The following LINGO2 variants were observed in gnomAD, a reference collection of about 807,000 sequenced individuals.
LINGO2 encodes the protein leucine-rich repeat and immunoglobulin-like domain-containing nogo receptor-interacting protein 2.
A neutral mutation model predicts 30.6 loss-of-function variants in LINGO2; 14 were observed. The ratio of observed to expected loss-of-function variants is 0.46; its 90% confidence interval spans 0.30 to 0.72. The LOEUF (loss-of-function observed/expected upper bound fraction) is 0.72. Ranked by LOEUF, LINGO2 falls within the 30% of genes least tolerant of loss-of-function variation. The probability of loss-of-function intolerance (pLI) is 0.07; values close to 1 mark genes in which losing one functional copy is unlikely to be tolerated. For synonymous variants in LINGO2, 317 were observed against 288.5 expected (o/e 1.10, Z -1.00); for missense variants, 729 against 751.7 (o/e 0.97, Z 0.35).
At chr9:28,903,332 C>T in the LINGO2 span, among the ~76,000 whole-genome samples, 151,070 of 152,256 alleles carry the variant, frequency 0.99, 74,960 homozygotes, top group Middle Eastern at 1. Flanking sequence ...CATGAAGAAA[C>T]AGAAAATATG....
At chr9:28,180,559 A>C (rs1053618839) in intron 4 of LINGO2, among the ~76,000 whole-genome samples, 1 of 152,106 alleles carries the variant, frequency 6.6e-6, no homozygotes, top group African/African-American at 2.4e-5. Flanking sequence ...CTCAGTCCTC[A>C]TGTTTTCTAT....
At chr9:28,561,059 C>T (rs1382562401) in intron 1 of LINGO2, among the ~76,000 whole-genome samples, 1 of 151,946 alleles carries the variant, frequency 6.6e-6, no homozygotes, top group Non-Finnish European at 1.5e-5. Flanking sequence ...ACAAAATTGC[C>T]AGCTCTTCTG....
intron 1 of LINGO2, among the ~76,000 whole-genome samples, chr9:28,563,409 T>G (rs1394612783): frequency 6.6e-6 from 1 of 152,140 alleles, no homozygotes; most frequent in African/African-American, 2.4e-5. Flanking sequence ...CAGCTTTCTA[T>G]TTACGTCTAA....
the LINGO2 span, among the ~76,000 whole-genome samples, chr9:28,723,826 C>T: frequency 5.9e-5 from 9 of 151,976 alleles, no homozygotes; most frequent in South Asian, 8.3e-4. Flanking sequence ...AGAAAAGAAT[C>T]CTCCTAAAAA....
chr9:29,127,711 G>T, the LINGO2 span, among the ~76,000 whole-genome samples: 1 of 152,040 alleles, frequency 6.6e-6, no homozygotes, highest in Admixed American at 6.6e-5. Context: ...GGCATTACCT[G>T]AAGGCCACAA....
At chr9:28,557,627 C>T (rs1272807611) in intron 1 of LINGO2, among the ~76,000 whole-genome samples, 1 of 151,716 alleles carries the variant, frequency 6.6e-6, no homozygotes, top group African/African-American at 2.4e-5. Context: ...TACCATTTGA[C>T]CCAGCCATCC....
chr9:28,044,749 G>A (rs1314040806), intron 4 of LINGO2, among the ~76,000 whole-genome samples: 1 of 146,554 alleles, frequency 6.8e-6, no homozygotes, highest in Non-Finnish European at 1.5e-5. Flanking sequence ...AAGAGAGTTA[G>A]GGCAAGCAGG....
At chr9:28,831,106 C>T in the LINGO2 span, among the ~76,000 whole-genome samples, 1 of 152,176 alleles carries the variant, frequency 6.6e-6, no homozygotes, top group Admixed American at 6.5e-5. Flanking sequence ...AGTCAGAAGC[C>T]TCCTGTCACC....
At chr9:27,956,538 G>C (rs773000121) in intron 5 of LINGO2, among the ~76,000 whole-genome samples, 4 of 151,966 alleles carry the variant, frequency 2.6e-5, no homozygotes, top group African/African-American at 9.7e-5. Context: ...AAGAGCAGAA[G>C]TTTTAAAATT....
the LINGO2 span, among the ~76,000 whole-genome samples, chr9:28,912,619 C>T: frequency 2.0e-5 from 3 of 152,106 alleles, no homozygotes; most frequent in African/African-American, 7.2e-5. Flanking sequence ...AAGGCTCATG[C>T]TTTAACCATT....
intron 4 of LINGO2, among the ~76,000 whole-genome samples, chr9:28,146,892 T>A (rs1827830446): frequency 6.6e-6 from 1 of 152,234 alleles, no homozygotes; most frequent in African/African-American, 2.4e-5. Context: ...AACTGACTTT[T>A]ATCCATATGG....
rs1198728665 is a variant in LINGO2 at position 28,519,096 on chromosome 9, G to A, written c.-364-43071C>T. 2.0e-5 allele frequency among the ~76,000 whole-genome samples: 3 copies of A among 152,108 alleles called. No homozygotes were observed. The East Asian group carries it at 5.8e-4, about 29-fold the overall frequency. On this transcript the variant is annotated intron_variant, in intron 1 of 5. Coordinates refer to ENST00000379992, the Ensembl canonical transcript of LINGO2. ...TGCCCAGGCTGGAGTGCGGTGGTAT[G>A]ATCATTGTTCACTGCAGCCTCAACC...
At chr9:28,491,388 T>A (rs1826389646) in intron 1 of LINGO2, among the ~76,000 whole-genome samples, 1 of 152,158 alleles carries the variant, frequency 6.6e-6, no homozygotes, top group African/African-American at 2.4e-5. Context: ...TCAGGCCCAC[T>A]CATGTGATAC....
chr9:28,021,618 G>A (rs1261594269), intron 4 of LINGO2, among the ~76,000 whole-genome samples: 3 of 151,940 alleles, frequency 2.0e-5, no homozygotes, highest in African/African-American at 7.2e-5. Context: ...ATAGTGAATT[G>A]GTCCATTTCT....
rs188930506 is a variant in LINGO2 at position 28,645,148 on chromosome 9, C to A, written c.-365+25052G>T. On this transcript the variant is annotated intron_variant, in intron 1 of 5. Coordinates refer to ENST00000379992, the Ensembl canonical transcript of LINGO2. The stretch of plus-strand genomic sequence containing the variant: ...AAAATCCAGCTTCTAGGTTTATATA[C>A]TATACCTTAATTCGGTGTTTTCCTA... Among the ~76,000 whole-genome samples the A allele has an allele frequency of 5.3e-4, 80 of 152,146 alleles. No homozygotes were observed. The Middle Eastern group carries it at 0.014, about 26-fold the overall frequency.
At chr9:28,189,932 G>C (rs997318305) in intron 4 of LINGO2, among the ~76,000 whole-genome samples, 1 of 151,922 alleles carries the variant, frequency 6.6e-6, no homozygotes, top group Non-Finnish European at 1.5e-5. Context: ...GACTAGAAAG[G>C]GGGACAGCAA....
At chr9:28,988,562 T>C in the LINGO2 span, among the ~76,000 whole-genome samples, 4 of 152,136 alleles carry the variant, frequency 2.6e-5, no homozygotes, top group African/African-American at 9.7e-5. Flanking sequence ...GCTGTAATAC[T>C]GACATTTTGT....
Position 28,486,759 on chromosome 9 carries a change from T to G in LINGO2, c.-364-10734A>C, listed in dbSNP as rs7850821. Among the ~76,000 whole-genome samples the G allele has an allele frequency of 9.5e-3, 1,438 of 151,962 alleles. 23 individuals carry two copies. Among genetic ancestry groups the G allele is most frequent in the African/African-American group, 0.033 (1,354 of 41,474 alleles). ...CTCCTTCAACTCATGAAACACAACC[T>G]CATGTTCCAAAAAACCCCACAAAAT... On this transcript the variant is annotated intron_variant, in intron 1 of 5. Transcript: ENST00000379992.
the LINGO2 span, among the ~76,000 whole-genome samples, chr9:28,822,637 A>G: frequency 2.0e-5 from 3 of 152,176 alleles, no homozygotes. Flanking sequence ...CTCCCAGCCT[A>G]CATCTTTCTC....
Sources: allele counts gnomAD v4.1 joint callset (sites outside exome capture counted in the v4.1 genomes callset), GRCh38; gene constraint gnomAD v4.1.1; transcripts MANE v1.5; gene names NCBI Gene and HGNC (gene_info 2026-07-23, HGNC 2026-07-21).